CMPK2: variants seen among roughly 807,000 people sequenced by gnomAD.
The protein encoded by CMPK2 is UMP-CMP kinase 2, mitochondrial.
A neutral mutation model predicts 33.4 loss-of-function variants in CMPK2; 32 were observed. That is an observed-to-expected ratio of 0.96 (90% CI 0.72 to 1.29). The LOEUF is 1.29. CMPK2 is among the 50% of genes most tolerant of loss of function. The pLI is 0.00. For synonymous variants in CMPK2, 299 were observed against 275.3 expected (o/e 1.09, Z -0.85); for missense variants, 672 against 616.0 (o/e 1.09, Z -0.96).
Position 6,848,568 on chromosome 2 carries a change from C to T in CMPK2, c.*1282G>A. 1 of 953,646 alleles carries T rather than the reference C, an allele frequency of 1.0e-6. No homozygotes were observed. Among genetic ancestry groups the T allele is most frequent in the Non-Finnish European group, 1.2e-6 (1 of 801,126 alleles). 59.1% of individuals were successfully genotyped at this position (953,646 alleles called of 1,614,324 possible). A position where few individuals can be genotyped will look rare whatever the true frequency, so the allele number is the denominator to read the frequency against. ...ATTACCTATAGCTCTTTTAAAAATCCTATGACATTAACATGAAACTTTATT... is the reference window on the plus strand; with the variant it reads ...ATTACCTATAGCTCTTTTAAAAATCTTATGACATTAACATGAAACTTTATT... On this transcript the variant is annotated 3_prime_UTR_variant, in exon 5 of 5. Transcript: ENST00000256722.
upstream of CMPK2, chr2:6,866,054 G>C (rs540610229): frequency 3.3e-6 from 1 of 306,930 alleles, no homozygotes; most frequent in South Asian, 4.5e-5. Flanking sequence ...AGGTAGCTCC[G>C]TGTGCGTTCT....
In CMPK2 at chr2:6,865,641, C is replaced by T; in HGVS notation, c.56G>A (p.Arg19Gln). 2.2e-6 allele frequency: 3 copies of T among 1,351,920 alleles called. No individual in the cohort carries two copies. The highest frequency in any genetic ancestry group is 2.8e-6 in the Non-Finnish European group (3 of 1,056,430). The allele number at this position is 1,351,920 out of a possible 1,614,324, so 83.7% of individuals were successfully genotyped here. Reference sequence around the variant, plus strand: ...CATGGCCCCAGCGCAGACCCCGCGCCGCCCGAGCAGCGGCCCCGACAGTGG... The same window carrying T: ...CATGGCCCCAGCGCAGACCCCGCGCTGCCCGAGCAGCGGCCCCGACAGTGG... ...RGPLSGPLLG[R>Q]RGVCAGAMAP... The change falls in exon 1 of 5, where the codon CGG (arginine) becomes CAG (glutamine). Residue 19 changes from arginine to glutamine, a missense_variant. By Grantham distance (43) the Arg-to-Gln change is conservative. Coordinates refer to ENST00000256722, the MANE Select transcript of CMPK2 (RefSeq NM_207315.4).
intron 3 of CMPK2, among the ~76,000 whole-genome samples, chr2:6,842,223 G>C (rs1326669078): frequency 6.6e-6 from 1 of 152,118 alleles, no homozygotes; most frequent in East Asian, 1.9e-4. Flanking sequence ...TCACAATCAT[G>C]TTCAGGTTCT....
intron 3 of CMPK2, among the ~76,000 whole-genome samples, chr2:6,857,695 C>T (rs1486571003): frequency 6.9e-6 from 1 of 145,500 alleles, no homozygotes; most frequent in Admixed American, 7.1e-5. Flanking sequence ...AGTGCAGTGG[C>T]ATGATCTCAG....
chr2:6,857,331 ATT>A (rs796422164), intron 3 of CMPK2, among the ~76,000 whole-genome samples: 5,642 of 125,312 alleles, frequency 0.045, 320 homozygotes, highest in African/African-American at 0.15. Flanking sequence ...TGTTTTTGGG[ATT>A]TTTTTTTTTT....
At chr2:6,841,616 C>T (rs997222284) in intron 3 of CMPK2, among the ~76,000 whole-genome samples, 14 of 152,100 alleles carry the variant, frequency 9.2e-5, no homozygotes, top group Admixed American at 2.6e-4. Flanking sequence ...AGTGTATCCT[C>T]GAGAGGTGGC....
In CMPK2 at chr2:6,863,881, G is replaced by A. The variant is rs957538755; in HGVS notation, c.676-303C>T. ...CATCATCACAATGTCCTGTGACACC[G>A]CAACCATGGAACTACAGGCCCGCTG... On this transcript the variant is annotated intron_variant, in intron 1 of 4. Coordinates refer to ENST00000256722, the MANE Select transcript of CMPK2 (RefSeq NM_207315.4). Among the ~76,000 whole-genome samples, 15 of 152,220 alleles carry A rather than the reference G, an allele frequency of 9.9e-5. 1 individual carries two copies. The highest frequency in any genetic ancestry group is 3.3e-4 in the Admixed American group (5 of 15,284).
chr2:6,849,405 G>C lies in CMPK2; in HGVS notation c.*445C>G. ...GAGCCCATCATGACGAGTGCAACCA[G>C]ATGTGGAAGAAGCCAATGTGGGCAT... is the stretch of plus-strand genomic sequence containing the variant. On this transcript the variant is annotated 3_prime_UTR_variant, in exon 5 of 5. Coordinates refer to ENST00000256722, the MANE Select transcript of CMPK2 (RefSeq NM_207315.4). 1.0e-6 allele frequency: 1 copy of C among 991,058 alleles called. No homozygotes were observed. Among genetic ancestry groups the C allele is most frequent in the Non-Finnish European group, 1.2e-6 (1 of 833,830 alleles). The allele number at this position is 991,058 out of a possible 1,614,324, so 61.4% of individuals were successfully genotyped here.
At position 6,851,529 on chromosome 2, in the gene CMPK2, A is replaced by G. The variant is rs1479869699; in HGVS notation, c.1147T>C (p.Leu383=). The part of the protein sequence containing the change: ...LLLTVSPEER[L]QRLQGRGMEK... ...ATGCCCCGGCCCTGCAGCCTCTGCA[A>G]CCTCTCCTCAGGACTCACAGTGAGC... The change falls in exon 4 of 5, where the codon TTG becomes CTG. Residue 383 remains leucine (L), a synonymous_variant. Coordinates refer to ENST00000256722, the MANE Select transcript of CMPK2 (RefSeq NM_207315.4). 1 of 1,614,108 alleles carries G rather than the reference A, an allele frequency of 6.2e-7. No homozygotes were observed. Among genetic ancestry groups the G allele is most frequent in the South Asian group, 1.1e-5 (1 of 91,078 alleles).
chr2:6,853,886 A>G (rs1449825375), intron 3 of CMPK2, among the ~76,000 whole-genome samples: 1 of 151,888 alleles, frequency 6.6e-6, no homozygotes, highest in Non-Finnish European at 1.5e-5. Context: ...TGGGCAACAG[A>G]GCGAGACTTC....
chr2:6,853,415 CATCTA>C (rs1662584705), intron 3 of CMPK2, among the ~76,000 whole-genome samples: 1 of 152,130 alleles, frequency 6.6e-6, no homozygotes, highest in Non-Finnish European at 1.5e-5. Context: ...AGGTAAAAGT[CATCTA>C]AGCTAATATA....
At chr2:6,866,242 G>A (rs1663087090), upstream of CMPK2, among the ~76,000 whole-genome samples, 1 of 152,210 alleles carries the variant, frequency 6.6e-6, no homozygotes, top group Non-Finnish European at 1.5e-5. Context: ...ACCAGGCCCT[G>A]CAGACCATGG....
At chr2:6,852,401 G>C (rs529511768) in intron 3 of CMPK2, among the ~76,000 whole-genome samples, 3 of 152,258 alleles carry the variant, frequency 2.0e-5, no homozygotes, top group Non-Finnish European at 4.4e-5. Context: ...GAAATGCTTG[G>C]TCTTCTGGTA....
chr2:6,855,314 T>TCTGCCTCTGCCC (rs1212398844), intron 3 of CMPK2, among the ~76,000 whole-genome samples: 2 of 48,140 alleles, frequency 4.2e-5, no homozygotes, highest in African/African-American at 7.4e-5. Context: ...CTCTCTCGCC[T>TCTGCCTCTGCCC]CTGCCTCTGC....
downstream of CMPK2, among the ~76,000 whole-genome samples, chr2:6,847,898 A>G (rs547634334): frequency 8.5e-5 from 13 of 152,340 alleles, no homozygotes; most frequent in East Asian, 2.5e-3. Flanking sequence ...TTACCATGGA[A>G]GAAAGGAAGA....
intron 3 of CMPK2, 127 bp from the exon 4 acceptor site, chr2:6,851,810 T>TA: frequency 3.0e-6 from 2 of 665,966 alleles, no homozygotes; most frequent in South Asian, 4.3e-5. Context: ...TTGCATAAGT[T>TA]AAATAAAATT....
At position 6,865,024 on chromosome 2, in the gene CMPK2, C is replaced by T. The variant is rs1177301241; in HGVS notation, c.673G>A (p.Glu225Lys). The T allele has an allele frequency of 7.0e-7, 1 of 1,427,620 alleles. No individual in the cohort carries two copies. The highest frequency in any genetic ancestry group is 2.9e-5 in the East Asian group (1 of 34,956). 88.4% of individuals were successfully genotyped at this position (1,427,620 alleles called of 1,614,324 possible). Residue 225 changes from glutamate (E) to lysine (K), a missense_variant and splice_region_variant, in exon 1 of 5, where the codon GAG becomes AAG. Coordinates refer to ENST00000256722, the MANE Select transcript of CMPK2 (RefSeq NM_207315.4). ...DREAARAVLE[E>K]CTSFIPEARA... ...CTGGAAGCGGACAGAACTCTTACCT[C>T]CTCCAAAACGGCCCGGGCGGCTTCC...
At position 6,851,531 on chromosome 2, in the gene CMPK2, C is replaced by T. The variant is rs956485710; in HGVS notation, c.1145G>A (p.Arg382Lys). 7 of 1,614,144 alleles carry T rather than the reference C, an allele frequency of 4.3e-6. No homozygotes were observed. The African/African-American group carries it at 5.3e-5, about 12-fold the overall frequency. The change falls in exon 4 of 5, where the codon AGG (arginine) becomes AAG (lysine). Residue 382 changes from arginine to lysine, a missense_variant. Arg to Lys is a conservative substitution (Grantham distance 26). Coordinates refer to ENST00000256722, the MANE Select transcript of CMPK2 (RefSeq NM_207315.4). ...ILLLTVSPEE[R>K]LQRLQGRGME... ...GCCCCGGCCCTGCAGCCTCTGCAAC[C>T]TCTCCTCAGGACTCACAGTGAGCAG...
intron 3 of CMPK2, among the ~76,000 whole-genome samples, chr2:6,842,643 G>GTACT (rs1357576094): frequency 2.0e-5 from 3 of 152,220 alleles, no homozygotes; most frequent in African/African-American, 7.2e-5. Context: ...GATGCTTTAA[G>GTACT]TAAAGCTTGC....
Sources: allele counts gnomAD v4.1 joint callset (sites outside exome capture counted in the v4.1 genomes callset), GRCh38; gene constraint gnomAD v4.1.1; transcripts MANE v1.5; gene names NCBI Gene and HGNC (gene_info 2026-07-23, HGNC 2026-07-21).